The following XIST variants were observed in gnomAD, a reference collection of about 807,000 sequenced individuals.
XIST encodes the protein X inactive specific transcript.
exon 1 of XIST, chrX:73,847,347 T>A (rs760332129): frequency 9.6e-6 from 5 of 519,357 alleles, no homozygotes; most frequent in Admixed American, 2.6e-5. Context: ...TAGTTAGCAC[T>A]CCTGCTGCTT....
At chrX:73,842,755 A>G in exon 1 of XIST, 1 of 558,673 alleles carries the variant, frequency 1.8e-6, no homozygotes, top group East Asian at 3.2e-5. Context: ...TTTAAGTCCA[A>G]GAGAAAGGGC....
chrX:73,821,668 C>T (rs1308463295), exon 6 of XIST: 2 of 549,000 alleles, frequency 3.6e-6, no homozygotes, highest in Non-Finnish European at 6.6e-6. Context: ...TGACCTTTTC[C>T]TTCACTCTTC....
chrX:73,841,597 G>A, exon 1 of XIST: 1 of 558,534 alleles, frequency 1.8e-6, no homozygotes, highest in Non-Finnish European at 3.2e-6. Flanking sequence ...GTACACTAGT[G>A]GCTGGGATAT....
At chrX:73,850,959 G>A (rs774908808) in exon 1 of XIST, 2 of 559,032 alleles carry the variant, frequency 3.6e-6, no homozygotes, top group Admixed American at 2.2e-5. Context: ...CCGCCCACTG[G>A]GAGACATACA....
rs1922627928 is a variant in XIST at position 73,842,768 on chromosome X, T to C, written n.9956A>G. The stretch of plus-strand genomic sequence containing the variant: ...TGTTTAAGTCCAAGAGAAAGGGCCT[T>C]GTCTGGTCAACATTACCCAGCAAAG... On this transcript the variant is annotated non_coding_transcript_exon_variant, in exon 1 of 6. Coordinates refer to ENST00000429829, the Ensembl canonical transcript of XIST. The C allele has an allele frequency of 1.3e-5, 7 of 558,421 alleles. No individual in the cohort carries two copies. In the East Asian group the frequency reaches 2.3e-4, roughly 18 times the overall value. 46.0% of individuals were successfully genotyped at this position (558,421 alleles called of 1,213,427 possible).
At chrX:73,833,450 G>T (rs1394915041) in intron 2 of XIST, 8 of 480,861 alleles carry the variant, frequency 1.7e-5, no homozygotes, top group Non-Finnish European at 2.6e-5. Context: ...AAACCCCAAT[G>T]AAAAAAACCT....
exon 6 of XIST, chrX:73,826,032 C>G (rs754911274): frequency 1.8e-6 from 1 of 557,040 alleles, no homozygotes; most frequent in African/African-American, 2.2e-5. Flanking sequence ...CAGGCTGTCC[C>G]CTTGGGACCT....
exon 1 of XIST, chrX:73,850,821 A>C (rs1258352547): frequency 5.8e-6 from 3 of 514,536 alleles, no homozygotes; most frequent in South Asian, 2.5e-5. Flanking sequence ...GAATGGAGGG[A>C]GGTTCAGACC....
exon 4 of XIST, chrX:73,831,257 T>C: frequency 1.8e-6 from 1 of 541,787 alleles, no homozygotes; most frequent in Non-Finnish European, 3.3e-6. Flanking sequence ...ACAACAAGCC[T>C]ATTCTTCTGA....
rs766493978 is a variant in XIST at position 73,852,128 on chromosome X, C to T, written n.596G>A. ...AATAAAAAAAAAAAAAGCAGGTATC[C>T]GAAGCCCCGATGGGCCAAAAAAAGA... is the stretch of plus-strand genomic sequence containing the variant. On this transcript the variant is annotated non_coding_transcript_exon_variant, in exon 1 of 6. Transcript: ENST00000429829. The T allele has an allele frequency of 7.6e-5, 40 of 523,338 alleles. No homozygotes were observed. In the South Asian group the frequency reaches 9.4e-4, roughly 12 times the overall value. 43.1% of individuals were successfully genotyped at this position (523,338 alleles called of 1,213,427 possible).
exon 1 of XIST, chrX:73,847,539 T>C (rs987443864): frequency 2.2e-5 from 11 of 511,517 alleles, no homozygotes; most frequent in African/African-American, 1.9e-4. Context: ...TTTTGCATAA[T>C]AGAAATTCAA....
chrX:73,820,900 AG>A, exon 6 of XIST: 1 of 559,506 alleles, frequency 1.8e-6, no homozygotes, highest in East Asian at 3.2e-5. Flanking sequence ...ACAATGACGA[AG>A]CCACTTAATT....
At chrX:73,837,523 T>C in intron 1 of XIST, 1 of 504,701 alleles carries the variant, frequency 2.0e-6, no homozygotes. Context: ...AAAAAGAACA[T>C]TAAGGAAAAA....
chrX:73,850,661 G>A, exon 1 of XIST: 1 of 468,847 alleles, frequency 2.1e-6, no homozygotes, highest in Non-Finnish European at 3.8e-6. Flanking sequence ...CATGGCAACA[G>A]TGCAGTGCAG....
chrX:73,824,031 T>A (rs1176702815), exon 6 of XIST: 1 of 553,492 alleles, frequency 1.8e-6, no homozygotes, highest in Non-Finnish European at 3.3e-6. Flanking sequence ...TGATAATAAA[T>A]GTTTGTGCCC....
chrX:73,828,043 C>A, intron 5 of XIST: 1 of 459,846 alleles, frequency 2.2e-6, no homozygotes. Flanking sequence ...GTAGAAGAGG[C>A]AAGATACAGT....
intron 4 of XIST, chrX:73,830,928 G>A: frequency 2.3e-6 from 1 of 443,047 alleles, no homozygotes; most frequent in East Asian, 3.8e-5. Context: ...TCCCAGGTTA[G>A]TTAGGAAGCT....
At chrX:73,844,020 G>C (rs1436308736) in exon 1 of XIST, 1 of 558,970 alleles carries the variant, frequency 1.8e-6, no homozygotes. Context: ...TCCTAGAAGT[G>C]ATAGGGTTGT....
exon 1 of XIST, chrX:73,847,050 A>G (rs772720534): frequency 7.2e-6 from 4 of 557,980 alleles, no homozygotes; most frequent in Admixed American, 2.2e-5. Context: ...AAATGTGTAT[A>G]TAACACCTAA....
Sources: gnomAD v4.1 joint callset for allele counts on GRCh38, gnomAD v4.1.1 for gene constraint, MANE v1.5 for transcripts, NCBI Gene and HGNC (gene_info 2026-07-23, HGNC 2026-07-21) for gene names.